PDS5A: variants seen among roughly 807,000 people sequenced by gnomAD.
PDS5A encodes sister chromatid cohesion protein PDS5 homolog A.
PDS5A carries 42 observed loss-of-function variants against 167.1 expected under a neutral mutation model. The ratio of observed to expected loss-of-function variants is 0.25; its 90% CI spans 0.20 to 0.33. PDS5A has a LOEUF of 0.33. Ranked by LOEUF, PDS5A falls within the 10% of genes least tolerant of loss-of-function variation. The probability of loss-of-function intolerance (pLI) is 1.00; values close to 1 mark genes in which losing one functional copy is unlikely to be tolerated. For synonymous variants in PDS5A, 553 were observed against 554.6 expected (o/e 1.00, Z 0.04); for missense variants, 1,033 against 1,605.9 (o/e 0.64, Z 6.10).
chr4:39,934,645 G>T (rs1726411002), intron 2 of PDS5A, among the ~76,000 whole-genome samples: 1 of 144,686 alleles, frequency 6.9e-6, no homozygotes, highest in Admixed American at 6.9e-5. Flanking sequence ...GAAATGAGCA[G>T]GAAAAAATCA....
chr4:39,895,180 C>T lies in PDS5A; in HGVS notation c.1770+3209G>A, dbSNP rs957068443. 2.6e-4 allele frequency among the ~76,000 whole-genome samples: 32 copies of T among 124,526 alleles called. No individual in the cohort carries two copies. The Admixed American group carries it at 3.4e-3, about 13-fold the overall frequency. The allele number at this position is 124,526 out of a possible 152,430, so 81.7% of individuals were successfully genotyped here. On this transcript the variant is annotated intron_variant, in intron 16 of 32. Coordinates refer to ENST00000303538, the MANE Select transcript of PDS5A (RefSeq NM_001100399.2). ...TCGCGCCACTGCACTCCAGCTTGGGCGACAGTGAGACTCCGTCTCAAAAAA... is the reference window on the plus strand; with the variant it reads ...TCGCGCCACTGCACTCCAGCTTGGGTGACAGTGAGACTCCGTCTCAAAAAA...
intron 32 of PDS5A, among the ~76,000 whole-genome samples, chr4:39,831,805 G>A (rs912253298): frequency 7.2e-6 from 1 of 139,404 alleles, no homozygotes; most frequent in Admixed American, 7.7e-5. Flanking sequence ...TGGACTGGAA[G>A]GCGGAGGTTG....
rs368616449 is a variant in PDS5A, at chr4:39,844,640, T to C, written c.3548+16A>G. The C allele has an allele frequency of 7.1e-5, 113 of 1,597,530 alleles. No individual in the cohort carries two copies. Among genetic ancestry groups the C allele is most frequent in the Non-Finnish European group, 8.6e-5 (101 of 1,173,162 alleles). ...TAGTGAGTGCTAGTAACAAAATAAT[T>C]GGAGAGAAAAGTTGCCTTGATCGAT... On this transcript the variant is annotated intron_variant, in intron 30 of 32. Transcript: ENST00000303538.
At chr4:39,849,072 TG>T in intron 27 of PDS5A, 102 bp from the exon 28 acceptor site, 1 of 824,600 alleles carries the variant, frequency 1.2e-6, no homozygotes. Flanking sequence ...AAGGATACTG[TG>T]GTTGTTATTT....
At chr4:39,830,152 TG>T (rs914080844) in intron 32 of PDS5A, among the ~76,000 whole-genome samples, 1 of 151,948 alleles carries the variant, frequency 6.6e-6, no homozygotes, top group African/African-American at 2.4e-5. Flanking sequence ...TGCTTAATAA[TG>T]GATGTTGGCA....
chr4:39,825,306 T>A lies in PDS5A; in HGVS notation c.*179A>T. The A allele has an allele frequency of 4.4e-6, 2 of 457,686 alleles. No homozygotes were observed. Among genetic ancestry groups the A allele is most frequent in the Non-Finnish European group, 3.9e-6 (1 of 256,890 alleles). The allele number at this position is 457,686 out of a possible 1,614,324, so 28.4% of individuals were successfully genotyped here. ...CAAGAGTTTCTGCTGTACATTTCCATCAGAGGACTTGTGGTCATGTGAAAA... is the reference window on the plus strand; with the variant it reads ...CAAGAGTTTCTGCTGTACATTTCCAACAGAGGACTTGTGGTCATGTGAAAA... On this transcript the variant is annotated 3_prime_UTR_variant, in exon 33 of 33. Transcript: ENST00000303538.
In PDS5A at chr4:39,947,380, G is replaced by C. The variant is rs1727877666; in HGVS notation, c.139-19216C>G. Among the ~76,000 whole-genome samples, 5 of 152,104 alleles carry C rather than the reference G, an allele frequency of 3.3e-5. No homozygotes were observed. The South Asian group carries it at 1.0e-3, about 32-fold the overall frequency. ...TGAGGCAGATAACTTGAACCGGGAG[G>C]CGGAGGCTGCAGTGAGCCAAGATCA... On this transcript the variant is annotated intron_variant, in intron 2 of 32. Coordinates refer to ENST00000303538, the MANE Select transcript of PDS5A (RefSeq NM_001100399.2).
chr4:39,893,761 G>A (rs1722163960), intron 16 of PDS5A, among the ~76,000 whole-genome samples: 1 of 152,142 alleles, frequency 6.6e-6, no homozygotes, highest in East Asian at 1.9e-4. Context: ...CCCACTTTAC[G>A]TATGAGAACA....
intron 5 of PDS5A, among the ~76,000 whole-genome samples, chr4:39,925,619 C>T (rs900241984): frequency 3.9e-5 from 6 of 152,258 alleles, no homozygotes; most frequent in African/African-American, 1.4e-4. Flanking sequence ...GACTGAAGAG[C>T]CAACCAGTAA....
chr4:39,845,404 TA>T (rs1201740029), intron 29 of PDS5A, among the ~76,000 whole-genome samples: 2 of 152,198 alleles, frequency 1.3e-5, no homozygotes, highest in African/African-American at 4.8e-5. Context: ...TGGATATATA[TA>T]TAGTAATAGT....
chr4:39,849,692 T>A (rs150988483), intron 26 of PDS5A, 40 bp from the exon 27 acceptor site: 14 of 1,465,294 alleles, frequency 9.6e-6, no homozygotes, highest in Non-Finnish European at 1.1e-5. Flanking sequence ...CGTAGATAGA[T>A]GCTTTAGCTT....
intron 21 of PDS5A, among the ~76,000 whole-genome samples, chr4:39,870,997 C>T (rs1389377565): frequency 1.3e-5 from 2 of 152,120 alleles, no homozygotes; most frequent in East Asian, 3.9e-4. Context: ...ACAAAAGGAA[C>T]AACATTCTGA....
intron 2 of PDS5A, among the ~76,000 whole-genome samples, chr4:39,932,210 CCAAA>C (rs111329674): frequency 3.3e-5 from 5 of 152,174 alleles, no homozygotes; most frequent in African/African-American, 4.8e-5. Context: ...CTTATTTTGG[CCAAA>C]CAGACATTAG....
At chr4:39,947,154 A>C (rs192412403) in intron 2 of PDS5A, among the ~76,000 whole-genome samples, 7 of 152,238 alleles carry the variant, frequency 4.6e-5, no homozygotes, top group Admixed American at 3.3e-4. Context: ...TAATCTGACA[A>C]AGAAATTAAA....
At chr4:39,923,048 G>T (rs1023973321) in intron 5 of PDS5A, among the ~76,000 whole-genome samples, 5 of 151,970 alleles carry the variant, frequency 3.3e-5, no homozygotes, top group African/African-American at 1.2e-4. Flanking sequence ...AAAGAAAAAG[G>T]CCGGGCACAG....
At chr4:39,830,312 C>T (rs773787980) in intron 32 of PDS5A, among the ~76,000 whole-genome samples, 7 of 152,206 alleles carry the variant, frequency 4.6e-5, no homozygotes, top group Non-Finnish European at 1.0e-4. Context: ...GCCACAGCAT[C>T]CCAAGTAGCT....
In PDS5A at chr4:39,941,109, G is replaced by A. The variant is rs1041512214; in HGVS notation, c.139-12945C>T. Among the ~76,000 whole-genome samples the A allele has an allele frequency of 4.6e-5, 7 of 152,126 alleles. No individual in the cohort carries two copies. In the East Asian group the frequency reaches 7.7e-4, roughly 17 times the overall value. On this transcript the variant is annotated intron_variant, in intron 2 of 32. Coordinates refer to ENST00000303538, the MANE Select transcript of PDS5A (RefSeq NM_001100399.2). ...TATGCTGTAAAAGCACTTTCTCTTC[G>A]TAGTTTTACTTTTCTCCAATTTTTC...
chr4:39,845,557 T>C (rs1019137440), intron 29 of PDS5A, among the ~76,000 whole-genome samples: 73 of 152,330 alleles, frequency 4.8e-4, no homozygotes, highest in Admixed American at 1.0e-3. Context: ...GGTTATACCA[T>C]TTCCCAGGAA....
intron 2 of PDS5A, among the ~76,000 whole-genome samples, chr4:39,939,310 A>G (rs1246873176): frequency 1.3e-5 from 2 of 151,948 alleles, no homozygotes; most frequent in African/African-American, 4.8e-5. Context: ...AATAATAATA[A>G]ATAAAAATTA....
Sources: allele counts gnomAD v4.1 joint callset (sites outside exome capture counted in the v4.1 genomes callset), GRCh38; gene constraint gnomAD v4.1.1; transcripts MANE v1.5; gene names NCBI Gene and HGNC (gene_info 2026-07-23, HGNC 2026-07-21).